TRPM3: variants seen among roughly 807,000 people sequenced by gnomAD.
The protein encoded by TRPM3 is transient receptor potential cation channel subfamily M member 3.
TRPM3 carries 77 observed loss-of-function variants against 181.2 expected under a neutral mutation model. That is an observed-to-expected ratio of 0.42 (90% CI 0.35 to 0.51). The LOEUF (loss-of-function observed/expected upper bound fraction) is 0.51, where lower values mean the gene tolerates loss of function less well. Among genes scored for constraint, TRPM3 ranks in the 20% least tolerant of loss-of-function variants. The pLI is 0.01. For missense variants in TRPM3, 1,759 were observed against 2,196.7 expected, an observed-to-expected ratio of 0.80 and a Z score of 3.98; for synonymous variants, 745 against 796.4, an observed-to-expected ratio of 0.94 and a Z score of 1.09.
chr9:71,093,289 G>A (rs2066531618), intron 1 of TRPM3, among the ~76,000 whole-genome samples: 1 of 152,004 alleles, frequency 6.6e-6, no homozygotes, highest in African/African-American at 2.4e-5. Flanking sequence ...TCATCACAGT[G>A]AATAGGCAAC....
intron 9 of TRPM3, among the ~76,000 whole-genome samples, chr9:70,662,888 G>C (rs2061326493): frequency 6.6e-6 from 1 of 152,134 alleles, no homozygotes. Context: ...TCCTGCTACT[G>C]GGTATCTAGG....
intron 1 of TRPM3, among the ~76,000 whole-genome samples, chr9:71,327,247 CA>C (rs901087542): frequency 6.6e-6 from 1 of 152,154 alleles, no homozygotes; most frequent in Non-Finnish European, 1.5e-5. Context: ...TTATGGGGAG[CA>C]AAATGTCACT....
chr9:71,369,753 A>G (rs1367532369), intron 1 of TRPM3, among the ~76,000 whole-genome samples: 2 of 152,112 alleles, frequency 1.3e-5, no homozygotes, highest in Non-Finnish European at 2.9e-5. Context: ...CATCACTTAT[A>G]ATTTGTGTAC....
At chr9:71,082,931 T>C (rs576722857) in intron 1 of TRPM3, among the ~76,000 whole-genome samples, 5 of 152,226 alleles carry the variant, frequency 3.3e-5, no homozygotes, top group African/African-American at 1.2e-4. Context: ...ACAGATAACA[T>C]CTTAGAAGAC....
rs1761173097 is a variant in TRPM3 at position 70,884,419 on chromosome 9, G to C, written c.178-19908C>G. 2.0e-5 allele frequency among the ~76,000 whole-genome samples: 3 copies of C among 152,170 alleles called. No homozygotes were observed. The South Asian group carries it at 6.2e-4, about 31-fold the overall frequency. The stretch of plus-strand genomic sequence containing the variant: ...TGCAGTGACCTGGTGAAAGCATGCA[G>C]AACTAAATTAACCATTCATCTGAGA... On this transcript the variant is annotated intron_variant, in intron 1 of 25. Transcript: ENST00000677713.
intron 19 of TRPM3, among the ~76,000 whole-genome samples, chr9:70,608,195 T>A (rs2061493554): frequency 6.6e-6 from 1 of 152,188 alleles, no homozygotes; most frequent in African/African-American, 2.4e-5. Flanking sequence ...CCTGCCAGAG[T>A]CTCTGAGCCT....
At chr9:71,340,847 G>C (rs928680060) in intron 1 of TRPM3, among the ~76,000 whole-genome samples, 3 of 151,998 alleles carry the variant, frequency 2.0e-5, no homozygotes, top group African/African-American at 7.2e-5. Context: ...TTGTAGAAGT[G>C]GTCATTCTAG....
intron 3 of TRPM3, among the ~76,000 whole-genome samples, chr9:70,850,086 G>A (rs1456726815): frequency 6.6e-6 from 1 of 152,058 alleles, no homozygotes; most frequent in African/African-American, 2.4e-5. Flanking sequence ...ATATTGATTT[G>A]ATTTATCTAG....
intron 8 of TRPM3, among the ~76,000 whole-genome samples, chr9:70,759,840 G>T (rs1341667737): frequency 6.6e-6 from 1 of 152,074 alleles, no homozygotes; most frequent in Non-Finnish European, 1.5e-5. Flanking sequence ...TCAGGGGGTG[G>T]GGGGCTAGGG....
chr9:70,993,509 G>C (rs1298560052), intron 1 of TRPM3, among the ~76,000 whole-genome samples: 1 of 152,092 alleles, frequency 6.6e-6, no homozygotes, highest in Non-Finnish European at 1.5e-5. Context: ...TTGGAAGAGG[G>C]GCAGGCTGAA....
rs536277910 is a variant in TRPM3, at chr9:70,757,038, T to A, written c.1272+4563A>T. On this transcript the variant is annotated intron_variant, in intron 8 of 25. Transcript: ENST00000677713. ...ACGAAAAACACTTCAAAAAAATCAA[T>A]GAATCCAGGAGGTGGTTTTTCTGAA... Among the ~76,000 whole-genome samples the A allele has an allele frequency of 1.2e-4, 19 of 152,090 alleles. No homozygotes were observed. The South Asian group carries it at 3.7e-3, about 30-fold the overall frequency.
At chr9:70,664,641 G>GTTTTTTTTTTTTTT (rs71367210) in intron 9 of TRPM3, among the ~76,000 whole-genome samples, 1 of 100,220 alleles carries the variant, frequency 1.0e-5, no homozygotes. Context: ...TAGGAGAGTA[G>GTTTTTTTTTTTTTT]TTTTTTTTTT....
chr9:71,166,874 A>C (rs2076566814), intron 1 of TRPM3, among the ~76,000 whole-genome samples: 1 of 152,222 alleles, frequency 6.6e-6, no homozygotes, highest in Non-Finnish European at 1.5e-5. Context: ...GCATAGATTG[A>C]AATTTCATAC....
At position 70,533,809 on chromosome 9, in the gene TRPM3, C is replaced by T. The variant is rs544478704; in HGVS notation, c.*2144G>A. Reference sequence around the variant, plus strand: ...GTTTGTTAGCAATTCACCTAAATGCCAAGGAGTGAAAAAGGAATTGTTTAA... The same window carrying T: ...GTTTGTTAGCAATTCACCTAAATGCTAAGGAGTGAAAAAGGAATTGTTTAA... On this transcript the variant is annotated 3_prime_UTR_variant, in exon 26 of 26. Transcript: ENST00000677713. The T allele has an allele frequency of 2.6e-5, 4 of 152,096 alleles. No individual in the cohort carries two copies. The highest frequency in any genetic ancestry group is 5.9e-5 in the Non-Finnish European group (4 of 68,024). 9.4% of individuals were successfully genotyped at this position (152,096 alleles called of 1,614,324 possible).
intron 1 of TRPM3, among the ~76,000 whole-genome samples, chr9:70,931,218 T>C (rs1402049901): frequency 6.6e-6 from 1 of 152,150 alleles, no homozygotes; most frequent in Admixed American, 6.5e-5. Context: ...TATATGTATG[T>C]ATAAATCATA....
intron 7 of TRPM3, among the ~76,000 whole-genome samples, chr9:70,780,361 T>C (rs141652713): frequency 2.0e-3 from 306 of 152,302 alleles, no homozygotes; most frequent in African/African-American, 7.0e-3. Context: ...GATGTATGTG[T>C]TCTCTATATC....
intron 8 of TRPM3, among the ~76,000 whole-genome samples, chr9:70,687,320 T>C (rs2067223606): frequency 6.6e-6 from 1 of 152,200 alleles, no homozygotes; most frequent in Non-Finnish European, 1.5e-5. Context: ...CCAATATGAA[T>C]TTTAATAGAA....
intron 1 of TRPM3, among the ~76,000 whole-genome samples, chr9:71,425,823 G>A (rs1014402358): frequency 6.6e-6 from 1 of 152,044 alleles, no homozygotes; most frequent in African/African-American, 2.4e-5. Flanking sequence ...AATTCATCCC[G>A]TAGCACTCTT....
chr9:70,684,993 C>T (rs911739926), intron 8 of TRPM3, among the ~76,000 whole-genome samples: 2 of 152,194 alleles, frequency 1.3e-5, no homozygotes, highest in East Asian at 1.9e-4. Flanking sequence ...TGTTTGGTGC[C>T]GGACCATTTT....
Sources: gnomAD v4.1 joint callset for allele counts (sites outside exome capture counted in the v4.1 genomes callset) on GRCh38, gnomAD v4.1.1 for gene constraint, MANE v1.5 for transcripts, NCBI Gene and HGNC (gene_info 2026-07-23, HGNC 2026-07-21) for gene names.